Variants in TRAPPC9 observed in about 807,000 individuals in gnomAD.
TRAPPC9 encodes IKK2 binding protein.
A neutral mutation model predicts 124.0 loss-of-function variants in TRAPPC9; 83 were observed. The ratio of observed to expected loss-of-function variants is 0.67; its 90% CI spans 0.56 to 0.80. TRAPPC9 has a LOEUF of 0.80. Ranked by LOEUF, TRAPPC9 falls within the 30% of genes least tolerant of loss-of-function variation. The probability of loss-of-function intolerance (pLI) is 0.00; values close to 1 mark genes in which losing one functional copy is unlikely to be tolerated. For missense variants in TRAPPC9, 1,302 were observed against 1,508.3 expected, an observed-to-expected ratio of 0.86 and a Z score of 2.27; for synonymous variants, 638 against 617.5, an observed-to-expected ratio of 1.03 and a Z score of -0.49.
chr8:139,855,129 G>A (rs1827721567), intron 21 of TRAPPC9, among the ~76,000 whole-genome samples: 1 of 152,174 alleles, frequency 6.6e-6, no homozygotes, highest in Non-Finnish European at 1.5e-5. Flanking sequence ...GGGCCTACCT[G>A]GTCTCCTTGT....
At chr8:140,049,537 T>C (rs1841842028) in intron 17 of TRAPPC9, among the ~76,000 whole-genome samples, 1 of 150,624 alleles carries the variant, frequency 6.6e-6, no homozygotes, top group African/African-American at 2.5e-5. Context: ...AGATAAATCC[T>C]ACAGGGCTCC....
At chr8:139,899,975 C>A (rs550800414) in intron 20 of TRAPPC9, among the ~76,000 whole-genome samples, 17 of 152,238 alleles carry the variant, frequency 1.1e-4, no homozygotes, top group African/African-American at 4.1e-4. Flanking sequence ...TCTAGATGTA[C>A]AAGGCCAGGC....
intron 21 of TRAPPC9, among the ~76,000 whole-genome samples, chr8:139,764,894 C>T (rs1313727199): frequency 3.9e-5 from 6 of 152,272 alleles, no homozygotes; most frequent in South Asian, 4.1e-4. Flanking sequence ...AGCAAGTACT[C>T]GGTTCTCGTC....
At chr8:140,325,550 G>A (rs573999107) in intron 9 of TRAPPC9, among the ~76,000 whole-genome samples, 81 of 152,244 alleles carry the variant, frequency 5.3e-4, no homozygotes, top group Non-Finnish European at 1.1e-3. Context: ...AACTCCTTGG[G>A]GGTAAAATGA....
chr8:140,052,365 G>A (rs1842055081), intron 17 of TRAPPC9, among the ~76,000 whole-genome samples: 1 of 152,224 alleles, frequency 6.6e-6, no homozygotes, highest in African/African-American at 2.4e-5. Context: ...GGCCGGGCAT[G>A]AGGGCTCATG....
intron 20 of TRAPPC9, among the ~76,000 whole-genome samples, chr8:139,909,081 GA>G (rs976485549): frequency 1.4e-4 from 21 of 152,304 alleles, no homozygotes; most frequent in African/African-American, 4.8e-4. Flanking sequence ...TCAGGTTCTG[GA>G]AACTATGCTG....
intron 17 of TRAPPC9, among the ~76,000 whole-genome samples, chr8:140,197,126 G>C (rs1057227878): frequency 1.1e-4 from 16 of 152,120 alleles, no homozygotes; most frequent in Non-Finnish European, 2.4e-4. Flanking sequence ...ACAAGTGAGG[G>C]GACTGGATCA....
intron 19 of TRAPPC9, among the ~76,000 whole-genome samples, chr8:139,978,828 G>A (rs909644052): frequency 1.3e-5 from 2 of 152,254 alleles, no homozygotes; most frequent in Non-Finnish European, 2.9e-5. Context: ...ATGAGGGGCT[G>A]AAGGCAGGCC....
Position 140,283,945 on chromosome 8 carries a change from G to A in TRAPPC9, c.2058C>T (p.Ser686=), listed in dbSNP as rs2065405837. 1 of 1,614,038 alleles carries A rather than the reference G, an allele frequency of 6.2e-7. No individual in the cohort carries two copies. Among genetic ancestry groups the A allele is most frequent in the Non-Finnish European group, 8.5e-7 (1 of 1,180,040 alleles). ...GCAACGCGGGAATGACTTCCACTGT[G>A]GAGCCACTGGTTTTTATTCCCGGCA... ...DNLPGIKTSG[S]TVEVIPALPR... Residue 686 remains serine (S), a synonymous_variant, in exon 14 of 23, where the codon TCC becomes TCT. Coordinates refer to ENST00000438773, the MANE Select transcript of TRAPPC9 (RefSeq NM_001160372.4).
chr8:139,829,475 G>A (rs549471907), intron 21 of TRAPPC9, among the ~76,000 whole-genome samples: 3 of 152,356 alleles, frequency 2.0e-5, no homozygotes, highest in Non-Finnish European at 2.9e-5. Flanking sequence ...GGAGAGCTCT[G>A]CCTCAATGCT....
intron 4 of TRAPPC9, among the ~76,000 whole-genome samples, chr8:140,430,582 C>T (rs1342471021): frequency 6.6e-6 from 1 of 152,236 alleles, no homozygotes; most frequent in Admixed American, 6.5e-5. Flanking sequence ...AGATCTTGGA[C>T]ACACAGTAGT....
intron 17 of TRAPPC9, among the ~76,000 whole-genome samples, chr8:140,129,862 T>G (rs537220896): frequency 1.3e-5 from 2 of 152,340 alleles, no homozygotes; most frequent in East Asian, 1.9e-4. Context: ...CGTGTACGCA[T>G]GCACACGCAC....
At chr8:140,444,035 CAAAAAAAAAAAA>C (rs35121401) in intron 2 of TRAPPC9, among the ~76,000 whole-genome samples, 6 of 40,912 alleles carry the variant, frequency 1.5e-4, no homozygotes, top group South Asian at 1.2e-3. Context: ...GACTCCATCT[CAAAAAAAAAAAA>C]AAAAAAAAAA....
At chr8:139,924,039 G>T (rs1832664533) in intron 19 of TRAPPC9, among the ~76,000 whole-genome samples, 1 of 152,156 alleles carries the variant, frequency 6.6e-6, no homozygotes, top group African/African-American at 2.4e-5. Flanking sequence ...AGGGGGCATG[G>T]CCAGGACCCC....
intron 11 of TRAPPC9, among the ~76,000 whole-genome samples, chr8:140,299,229 T>TC (rs948029782): frequency 4.0e-5 from 6 of 150,726 alleles, no homozygotes; most frequent in Admixed American, 2.0e-4. Context: ...CAGAAAGGAG[T>TC]CCCTGTAGCT....
intron 13 of TRAPPC9, among the ~76,000 whole-genome samples, chr8:140,284,331 T>C (rs1404184575): frequency 6.6e-6 from 1 of 152,234 alleles, no homozygotes; most frequent in Non-Finnish European, 1.5e-5. Context: ...ATCTCATCCC[T>C]TTACTCATTT....
intron 20 of TRAPPC9, among the ~76,000 whole-genome samples, chr8:139,905,102 A>G (rs182831223): frequency 2.6e-4 from 40 of 152,322 alleles, no homozygotes; most frequent in African/African-American, 9.4e-4. Context: ...TTTTATCCAG[A>G]AAGCATCACT....
chr8:140,335,637 A>G (rs1035443547), intron 9 of TRAPPC9, among the ~76,000 whole-genome samples: 1 of 152,060 alleles, frequency 6.6e-6, no homozygotes, highest in African/African-American at 2.4e-5. Flanking sequence ...TGAAATCATG[A>G]GCAAATTTTT....
chr8:140,352,072 C>A (rs965072312), intron 9 of TRAPPC9, among the ~76,000 whole-genome samples: 2 of 152,060 alleles, frequency 1.3e-5, no homozygotes, highest in African/African-American at 4.8e-5. Context: ...CCATTCTGTC[C>A]CTATAGTCTA....
Sources: gnomAD v4.1 joint callset for allele counts (sites outside exome capture counted in the v4.1 genomes callset) on GRCh38, gnomAD v4.1.1 for gene constraint, MANE v1.5 for transcripts, NCBI Gene and HGNC (gene_info 2026-07-23, HGNC 2026-07-21) for gene names.